Variants in GRAMD1C observed in about 807,000 individuals in gnomAD.
GRAMD1C encodes the protein GRAM domain containing 1C, also known as protein Aster-C.
GRAMD1C carries 89 observed loss-of-function variants against 97.8 expected under a neutral mutation model. The observed-to-expected ratio is 0.91, with a 90% CI of 0.77 to 1.09. The LOEUF is 1.09. Ranked by LOEUF, GRAMD1C falls within the 50% of genes least tolerant of loss-of-function variation. GRAMD1C has a pLI of 0.00. For synonymous variants in GRAMD1C, 256 were observed against 267.0 expected, an observed-to-expected ratio of 0.96 and a Z score of 0.40; for missense variants, 740 against 766.4, an observed-to-expected ratio of 0.97 and a Z score of 0.41.
intron 2 of GRAMD1C, among the ~76,000 whole-genome samples, chr3:113,846,388 G>C (rs911125291): frequency 2.6e-5 from 4 of 152,178 alleles, no homozygotes; most frequent in Admixed American, 6.5e-5. Context: ...TTACAGGCAT[G>C]AGCCACTGTG....
rs1389379287 is a variant in GRAMD1C at position 113,860,616 on chromosome 3, A to T, written c.175-8891A>T. On this transcript the variant is annotated intron_variant, in intron 2 of 17. Coordinates refer to ENST00000358160, the MANE Select transcript of GRAMD1C (RefSeq NM_017577.5). Reference sequence around the variant, plus strand: ...TGAAGTTGGAAGATGTACACTTCCCAGTTTTGAGGATTACTACAAAGCTAC... The same window carrying T: ...TGAAGTTGGAAGATGTACACTTCCCTGTTTTGAGGATTACTACAAAGCTAC... Among the ~76,000 whole-genome samples, 4 of 152,212 alleles carry T rather than the reference A, an allele frequency of 2.6e-5. No homozygotes were observed. The East Asian group carries it at 7.7e-4, about 29-fold the overall frequency.
At chr3:113,944,280 A>G (rs1001291452) in intron 17 of GRAMD1C, among the ~76,000 whole-genome samples, 4 of 152,220 alleles carry the variant, frequency 2.6e-5, no homozygotes, top group Admixed American at 6.5e-5. Flanking sequence ...TTATAAGAGC[A>G]CTAATCCATT....
chr3:113,900,873 T>C (rs138703649), intron 6 of GRAMD1C, among the ~76,000 whole-genome samples, 158 bp from the exon 7 acceptor site: 2 of 152,316 alleles, frequency 1.3e-5, no homozygotes, highest in East Asian at 3.9e-4. Flanking sequence ...TTTATAGATA[T>C]GCAAAATGGA....
At position 113,930,597 on chromosome 3, in the gene GRAMD1C, G is replaced by A. The variant is rs1257368363; in HGVS notation, c.1091-117G>A. The stretch of plus-strand genomic sequence containing the variant: ...TAAACTTATAATACCCAGTTATAAG[G>A]AAGTTAGCACTAGTCAAAAATAGAA... On this transcript the variant is annotated intron_variant, in intron 10 of 17. Transcript: ENST00000358160. The A allele has an allele frequency of 4.7e-5, 28 of 590,708 alleles. No homozygotes were observed. The Admixed American group carries it at 7.4e-4, about 16-fold the overall frequency. 36.6% of individuals were successfully genotyped at this position (590,708 alleles called of 1,614,324 possible).
In GRAMD1C at chr3:113,840,451, T is replaced by C. The variant is rs1036494698; in HGVS notation, c.27+1515T>C. Among the ~76,000 whole-genome samples, 5 of 152,076 alleles carry C rather than the reference T, an allele frequency of 3.3e-5. No homozygotes were observed. The East Asian group carries it at 7.7e-4, about 23-fold the overall frequency. ...TTTGAATTTGAATTTAAGTCAGCCA[T>C]TGTGGCCCAGTGCAGTGGCTCATGC... On this transcript the variant is annotated intron_variant, in intron 1 of 17. Coordinates refer to ENST00000358160, the MANE Select transcript of GRAMD1C (RefSeq NM_017577.5).
At position 113,876,272 on chromosome 3, in the gene GRAMD1C, C is replaced by T. The variant is rs762105683; in HGVS notation, c.459+12C>T. 3 of 1,392,574 alleles carry T rather than the reference C, an allele frequency of 2.2e-6. No homozygotes were observed. The highest frequency in any genetic ancestry group is 1.4e-5 in the African/African-American group (1 of 70,340). The allele number at this position is 1,392,574 out of a possible 1,614,324, so 86.3% of individuals were successfully genotyped here. On this transcript the variant is annotated intron_variant, in intron 5 of 17. Transcript: ENST00000358160. Reference sequence around the variant, plus strand: ...CAGAAAGTGAAAAGGTGAAAACTTTCCTATCTTTGTTATATTACATAATGT... The same window carrying T: ...CAGAAAGTGAAAAGGTGAAAACTTTTCTATCTTTGTTATATTACATAATGT...
intron 2 of GRAMD1C, among the ~76,000 whole-genome samples, chr3:113,849,604 G>T (rs1933773703): frequency 1.3e-5 from 2 of 152,080 alleles, no homozygotes; most frequent in South Asian, 2.1e-4. Flanking sequence ...AGAGCACAGG[G>T]TTGGGGGTAA....
intron 11 of GRAMD1C, among the ~76,000 whole-genome samples, chr3:113,931,044 A>G (rs1199284499): frequency 6.6e-6 from 1 of 152,258 alleles, no homozygotes; most frequent in Non-Finnish European, 1.5e-5. Flanking sequence ...AAAGGTATTT[A>G]TGAGATTTCA....
chr3:113,844,566 A>G lies in GRAMD1C; in HGVS notation c.91A>G (p.Ser31Gly), dbSNP rs1298631649. 3 of 1,603,840 alleles carry G rather than the reference A, an allele frequency of 1.9e-6. No homozygotes were observed. Among genetic ancestry groups the G allele is most frequent in the Non-Finnish European group, 1.7e-6 (2 of 1,172,300 alleles). ...DLQEDVEENPSPTVEENNVVV... is the reference protein window; with the variant it reads ...DLQEDVEENPGPTVEENNVVV... ...ACAGGAAGATGTAGAGGAAAATCCT[A>G]GTCCAACTGTGGAAGAGAATAATGT... The change falls in exon 2 of 18, where the codon AGT (serine) becomes GGT (glycine). Residue 31 changes from serine (S) to glycine (G), a missense_variant. Transcript: ENST00000358160.
chr3:113,840,583 TAAAA>T (rs1031608671), intron 1 of GRAMD1C, among the ~76,000 whole-genome samples: 1 of 138,232 alleles, frequency 7.2e-6, no homozygotes, highest in Non-Finnish European at 1.6e-5. Context: ...TCTACCAAAA[TAAAA>T]AAAAAAAAGA....
At position 113,856,259 on chromosome 3, in the gene GRAMD1C, T is replaced by A. The variant is rs1177150134; in HGVS notation, c.174+11610T>A. On this transcript the variant is annotated intron_variant, in intron 2 of 17. Coordinates refer to ENST00000358160, the MANE Select transcript of GRAMD1C (RefSeq NM_017577.5). Reference sequence around the variant, plus strand: ...ACTTTTTTTCTCTTTTACTTCTTGGTAAAAGAGGTAAGTGTAGACCCACAT... The same window carrying A: ...ACTTTTTTTCTCTTTTACTTCTTGGAAAAAGAGGTAAGTGTAGACCCACAT... 3.9e-5 allele frequency among the ~76,000 whole-genome samples: 6 copies of A among 152,150 alleles called. No individual in the cohort carries two copies. The East Asian group carries it at 9.6e-4, about 24-fold the overall frequency.
At chr3:113,905,221 C>A (rs1357657990) in intron 8 of GRAMD1C, among the ~76,000 whole-genome samples, 1 of 152,216 alleles carries the variant, frequency 6.6e-6, no homozygotes, top group Non-Finnish European at 1.5e-5. Flanking sequence ...ATGGGAGCCC[C>A]TTCAAGTTGG....
chr3:113,850,235 T>A (rs944023876), intron 2 of GRAMD1C: 1 of 598,376 alleles, frequency 1.7e-6, no homozygotes, highest in Admixed American at 2.0e-5. Context: ...TACTCTCCAG[T>A]TTTACTGAGG....
chr3:113,853,820 G>T (rs907779529), intron 2 of GRAMD1C, among the ~76,000 whole-genome samples: 1 of 152,278 alleles, frequency 6.6e-6, no homozygotes, highest in East Asian at 1.9e-4. Flanking sequence ...AGTTAGGATG[G>T]TCAGGAATAG....
intron 6 of GRAMD1C, 84 bp downstream of exon 6, chr3:113,882,916 T>G (rs1935318731): frequency 1.6e-6 from 1 of 625,798 alleles, no homozygotes; most frequent in Non-Finnish European, 2.9e-6. Context: ...CTTATTTTTC[T>G]TAACTAAATT....
intron 3 of GRAMD1C, among the ~76,000 whole-genome samples, chr3:113,870,416 C>T (rs1934756573): frequency 6.6e-6 from 1 of 151,052 alleles, no homozygotes; most frequent in Non-Finnish European, 1.5e-5. Context: ...ATGATGGTTA[C>T]CAGAGGGCTA....
At chr3:113,850,800 T>A in intron 2 of GRAMD1C, 1 of 733,510 alleles carries the variant, frequency 1.4e-6, no homozygotes, top group Non-Finnish European at 2.0e-6. Context: ...ATTTTTATTT[T>A]TTTAATTTTT....
At chr3:113,911,186 A>ACACACACACACACACG (rs1460888643) in intron 9 of GRAMD1C, among the ~76,000 whole-genome samples, 2 of 151,284 alleles carry the variant, frequency 1.3e-5, no homozygotes, top group African/African-American at 4.9e-5. Flanking sequence ...ACACACACAC[A>ACACACACACACACACG]CACGCACACG....
At chr3:113,872,398 T>C (rs1437549102) in intron 3 of GRAMD1C, among the ~76,000 whole-genome samples, 14 of 138,046 alleles carry the variant, frequency 1.0e-4, no homozygotes, top group African/African-American at 2.5e-4. Context: ...TTTCTTTTTT[T>C]TTTTTTTTTT....
Sources: allele counts gnomAD v4.1 joint callset (sites outside exome capture counted in the v4.1 genomes callset), GRCh38; gene constraint gnomAD v4.1.1; transcripts MANE v1.5; gene names NCBI Gene and HGNC (gene_info 2026-07-23, HGNC 2026-07-21).